AGPAT3: variants seen among roughly 807,000 people sequenced by gnomAD.
AGPAT3 encodes 1-acyl-sn-glycerol-3-phosphate acyltransferase gamma.
In AGPAT3, 5 loss-of-function variants were observed where a neutral mutation model predicts 47.3. That is an observed-to-expected ratio of 0.11 (90% CI 0.06 to 0.22). The LOEUF (loss-of-function observed/expected upper bound fraction) is 0.22, where lower values mean the gene tolerates loss of function less well. Among genes scored for constraint, AGPAT3 ranks in the 10% least tolerant of loss-of-function variants. The pLI, the probability that AGPAT3 is intolerant of heterozygous loss-of-function variation, is 1.00. For synonymous variants in AGPAT3, 212 were observed against 208.3 expected (o/e 1.02, Z -0.15); for missense variants, 315 against 493.0 (o/e 0.64, Z 3.42).
intron 2 of AGPAT3, among the ~76,000 whole-genome samples, chr21:43,904,273 C>T (rs778682248): frequency 4.6e-5 from 7 of 152,262 alleles, no homozygotes; most frequent in African/African-American, 1.7e-4. Context: ...TCTCTTCCTG[C>T]GAGGGATGAG....
At chr21:43,919,412 T>A (rs2086838843) in intron 2 of AGPAT3, among the ~76,000 whole-genome samples, 1 of 152,226 alleles carries the variant, frequency 6.6e-6, no homozygotes, top group Admixed American at 6.5e-5. Flanking sequence ...TTTCCGTTCC[T>A]GAGTTTCTTC....
rs1018734720 is a variant in AGPAT3, at chr21:43,984,594, C to G, written c.*2202C>G. ...CCCAGGCGCAGGGGTCACACCTCAT[C>G]TGGTTTCCTTCCCATCTCACAGCTT... is the stretch of plus-strand genomic sequence containing the variant. On this transcript the variant is annotated 3_prime_UTR_variant, in exon 10 of 10. Coordinates refer to ENST00000291572, the MANE Select transcript of AGPAT3 (RefSeq NM_020132.5). 1.9e-5 allele frequency: 3 copies of G among 158,128 alleles called. No homozygotes were observed. Among genetic ancestry groups the G allele is most frequent in the East Asian group, 3.8e-4 (2 of 5,278 alleles). The allele number at this position is 158,128 out of a possible 1,614,324, so 9.8% of individuals were successfully genotyped here.
Position 43,970,659 on chromosome 21 carries a change from C to G in AGPAT3, c.517C>G (p.Leu173Val). The G allele has an allele frequency of 6.2e-7, 1 of 1,613,852 alleles. No individual in the cohort carries two copies. Among genetic ancestry groups the G allele is most frequent in the Non-Finnish European group, 8.5e-7 (1 of 1,179,864 alleles). Residue 173 changes from leucine to valine, a missense_variant, in exon 6 of 10, where the codon CTG becomes GTG. Leu to Val is a conservative substitution (Grantham distance 32, BLOSUM62 1). Coordinates refer to ENST00000291572, the MANE Select transcript of AGPAT3 (RefSeq NM_020132.5). This position sits in a 1 kb window ranked among gnomAD's most constrained non-coding sequence, Gnocchi z 5.8. The stretch of plus-strand genomic sequence containing the variant: ...GTCTCCGTGTTGATCCTAGTTTCTC[C>G]TGTACTGCGAGGGGACGCGCTTCAC... ...SDYPEYMWFL[L>V]YCEGTRFTET...
rs144181814 is a variant in AGPAT3 at position 43,903,518 on chromosome 21, G to T, written c.-111-439G>T. On this transcript the variant is annotated intron_variant, in intron 1 of 9. Coordinates refer to ENST00000291572, the MANE Select transcript of AGPAT3 (RefSeq NM_020132.5). ...CTGGGCTGGGCTGGATTTTGGAGAA[G>T]CCCAGGGCTGCGGCTGGCAGGGCTT... is the stretch of plus-strand genomic sequence containing the variant. Among the ~76,000 whole-genome samples, 1,116 of 152,356 alleles carry T rather than the reference G, an allele frequency of 7.3e-3. 8 individuals are homozygous for T. Among genetic ancestry groups the T allele is most frequent in the African/African-American group, 0.025 (1,051 of 41,576 alleles).
rs1034025123 is a variant in AGPAT3 at position 43,954,695 on chromosome 21, T to A, written c.-48-4939T>A. 6.5e-6 allele frequency: 1 copy of A among 152,684 alleles called. No homozygotes were observed. The highest frequency in any genetic ancestry group is 2.4e-5 in the African/African-American group (1 of 41,480). 9.5% of individuals were successfully genotyped at this position (152,684 alleles called of 1,614,324 possible). ...CACGGCAGGGTGGTGGACTTGCTCC[T>A]AGAATTGGGCTCCAGGGCTGAAGCC... On this transcript the variant is annotated intron_variant, in intron 2 of 9. Coordinates refer to ENST00000291572, the MANE Select transcript of AGPAT3 (RefSeq NM_020132.5). This position sits in a 1 kb window ranked among gnomAD's most constrained non-coding sequence, Gnocchi z 4.0.
At chr21:43,929,127 A>G (rs569584355) in intron 2 of AGPAT3, among the ~76,000 whole-genome samples, 56 of 152,302 alleles carry the variant, frequency 3.7e-4, no homozygotes, top group African/African-American at 1.3e-3. Flanking sequence ...TGACCTTCAG[A>G]AGGAGGCCAC....
At chr21:43,941,360 G>A (rs868072813) in intron 2 of AGPAT3, among the ~76,000 whole-genome samples, 1 of 152,166 alleles carries the variant, frequency 6.6e-6, no homozygotes, top group East Asian at 1.9e-4. Flanking sequence ...AGGATGCCCA[G>A]TCTTCCCCAT....
At chr21:43,912,769 A>G (rs574834490) in intron 2 of AGPAT3, among the ~76,000 whole-genome samples, 1 of 152,290 alleles carries the variant, frequency 6.6e-6, no homozygotes, top group Admixed American at 6.5e-5. Context: ...TGTGGTCATG[A>G]TGTTTTGGTA....
chr21:43,878,822 C>A (rs1252781372), intron 1 of AGPAT3, among the ~76,000 whole-genome samples: 4 of 151,114 alleles, frequency 2.6e-5, no homozygotes, highest in Admixed American at 2.6e-4. Flanking sequence ...CTCATTGCAA[C>A]CTCCACCTCC....
At position 43,938,207 on chromosome 21, in the gene AGPAT3, T is replaced by C. The variant is rs573392169; in HGVS notation, c.-48-21427T>C. On this transcript the variant is annotated intron_variant, in intron 2 of 9. Transcript: ENST00000291572. ...AAATGAATGTCTTGGTTCCATGATG[T>C]GCATGTTACGCTAGAGAGCTAAGTT... 2.0e-5 allele frequency among the ~76,000 whole-genome samples: 3 copies of C among 152,190 alleles called. No individual in the cohort carries two copies. In the South Asian group the frequency reaches 6.2e-4, roughly 32 times the overall value.
At chr21:43,876,754 G>A (rs146675218) in intron 1 of AGPAT3, among the ~76,000 whole-genome samples, 5 of 152,322 alleles carry the variant, frequency 3.3e-5, no homozygotes, top group East Asian at 1.9e-4. Context: ...GGAGGACAAC[G>A]TGTAATTTCC....
At chr21:43,897,572 C>G (rs1411580506) in intron 1 of AGPAT3, among the ~76,000 whole-genome samples, 1 of 150,594 alleles carries the variant, frequency 6.6e-6, no homozygotes, top group Non-Finnish European at 1.5e-5. Context: ...AGAGGCGCTC[C>G]TCACATCCCA....
intron 1 of AGPAT3, among the ~76,000 whole-genome samples, chr21:43,885,341 C>T (rs1258401840): frequency 6.6e-6 from 1 of 152,064 alleles, no homozygotes; most frequent in Non-Finnish European, 1.5e-5. Flanking sequence ...GAACAAATAA[C>T]TTTCAATTAC....
At chr21:43,873,889 A>G (rs947840508) in intron 1 of AGPAT3, among the ~76,000 whole-genome samples, 3 of 152,112 alleles carry the variant, frequency 2.0e-5, no homozygotes, top group South Asian at 4.1e-4. Context: ...TTGTTTCCGT[A>G]TCACTAATTT....
intron 2 of AGPAT3, among the ~76,000 whole-genome samples, chr21:43,941,031 A>C (rs542015033): frequency 6.6e-6 from 1 of 152,220 alleles, no homozygotes; most frequent in African/African-American, 2.4e-5. Context: ...AGAGGGTCAA[A>C]GGGCACAAGA....
chr21:43,941,640 G>A (rs1296788586), intron 2 of AGPAT3, among the ~76,000 whole-genome samples: 3 of 152,210 alleles, frequency 2.0e-5, no homozygotes, highest in African/African-American at 7.2e-5. Context: ...GTCGGTCATT[G>A]GTGAGGGTTC....
rs913317905 is a variant in AGPAT3, at chr21:43,893,396, G to A, written c.-111-10561G>A. Among the ~76,000 whole-genome samples, 10 of 152,144 alleles carry A rather than the reference G, an allele frequency of 6.6e-5. No homozygotes were observed. The South Asian group carries it at 8.3e-4, about 13-fold the overall frequency. On this transcript the variant is annotated intron_variant, in intron 1 of 9. Coordinates refer to ENST00000291572, the MANE Select transcript of AGPAT3 (RefSeq NM_020132.5). ...TTGAGGCTGGTTTGATCTTCTCTCC[G>A]GACCACTCGAACTTTCTCCATATCA...
chr21:43,943,606 C>T (rs975925643), intron 2 of AGPAT3, among the ~76,000 whole-genome samples: 2 of 152,194 alleles, frequency 1.3e-5, no homozygotes, highest in East Asian at 1.9e-4. Context: ...CCATTCCTGC[C>T]GCCAGGCCAC....
rs367715388 is a variant in AGPAT3, at chr21:43,920,358, G to A, written c.-49+16339G>A. ...CGGCTGAGAGGAGACAGCGCAGCTG[G>A]GCAGGTGATGCTTGGTGAGTGTGAT... is the stretch of plus-strand genomic sequence containing the variant. On this transcript the variant is annotated intron_variant, in intron 2 of 9. Coordinates refer to ENST00000291572, the MANE Select transcript of AGPAT3 (RefSeq NM_020132.5). This position sits in a 1 kb window ranked among gnomAD's most constrained non-coding sequence, Gnocchi z 6.1. 3.3e-5 allele frequency among the ~76,000 whole-genome samples: 5 copies of A among 152,296 alleles called. No homozygotes were observed. The East Asian group carries it at 7.7e-4, about 23-fold the overall frequency.
Sources: allele counts gnomAD v4.1 joint callset (sites outside exome capture counted in the v4.1 genomes callset), GRCh38; gene constraint gnomAD v4.1.1; non-coding constraint Gnocchi (gnomAD v3.1); transcripts MANE v1.5; gene names NCBI Gene and HGNC (gene_info 2026-07-23, HGNC 2026-07-21).